Variants in NCK1 observed in about 807,000 individuals in gnomAD.
NCK1 encodes SH2/SH3 adapter protein NCK1.
Under a neutral mutation model 36.6 loss-of-function variants are expected in NCK1, and 19 were observed. That is an observed-to-expected ratio of 0.52 (90% CI 0.36 to 0.76). The LOEUF (loss-of-function observed/expected upper bound fraction) is 0.76, where lower values mean the gene tolerates loss of function less well. NCK1 is among the 30% of genes least tolerant of loss of function. NCK1 has a pLI of 0.00. For missense variants in NCK1, 358 were observed against 445.6 expected (o/e 0.80, Z 1.77); for synonymous variants, 165 against 156.0 (o/e 1.06, Z -0.43).
chr3:136,917,053 A>G (rs1307663997), intron 1 of NCK1, among the ~76,000 whole-genome samples: 2 of 152,234 alleles, frequency 1.3e-5, no homozygotes, highest in African/African-American at 2.4e-5. Flanking sequence ...TAATTTATCA[A>G]ATGTATTCAT....
At chr3:136,885,429 T>TA in intron 1 of NCK1, among the ~76,000 whole-genome samples, 1 of 152,286 alleles carries the variant, frequency 6.6e-6, no homozygotes, top group South Asian at 2.1e-4. Context: ...TTCAGCTCCT[T>TA]ACGTAGCTGG....
At chr3:136,909,512 G>A (rs1560043574) in intron 1 of NCK1, among the ~76,000 whole-genome samples, 1 of 152,206 alleles carries the variant, frequency 6.6e-6, no homozygotes, top group Non-Finnish European at 1.5e-5. Context: ...AATTTCAATG[G>A]CAGAATGTCG....
rs1940061080 is a variant in NCK1, at chr3:136,919,869, T to A, written c.-18-8115T>A. Among the ~76,000 whole-genome samples, 6 of 152,274 alleles carry A rather than the reference T, an allele frequency of 3.9e-5. No individual in the cohort carries two copies. The South Asian group carries it at 1.2e-3, about 32-fold the overall frequency. Reference sequence around the variant, plus strand: ...TAAAATTCTAAAGGGAAATCTCTTGTTCAGTTTTAGATTCTGTTGTACTTT... The same window carrying A: ...TAAAATTCTAAAGGGAAATCTCTTGATCAGTTTTAGATTCTGTTGTACTTT... On this transcript the variant is annotated intron_variant, in intron 1 of 3. Coordinates refer to ENST00000481752, the MANE Select transcript of NCK1 (RefSeq NM_001291999.2).
chr3:136,910,665 CATA>C (rs1229201484), intron 1 of NCK1, among the ~76,000 whole-genome samples: 1 of 152,114 alleles, frequency 6.6e-6, no homozygotes, highest in Admixed American at 6.5e-5. Flanking sequence ...ATTGACAAAT[CATA>C]ATTTTATACT....
chr3:136,873,759 T>C (rs1430209075), intron 1 of NCK1, among the ~76,000 whole-genome samples: 1 of 152,146 alleles, frequency 6.6e-6, no homozygotes, highest in Non-Finnish European at 1.5e-5. Context: ...AATAAGTCTT[T>C]TGAGAACTGA....
At position 136,895,321 on chromosome 3, in the gene NCK1, T is replaced by TTA. The variant is rs557847316; in HGVS notation, c.-18-32651_-18-32650dup. Among the ~76,000 whole-genome samples the TTA allele has an allele frequency of 3.2e-3, 492 of 151,696 alleles. 1 individual carries two copies. The highest frequency in any genetic ancestry group is 6.4e-3 in the African/African-American group (267 of 41,442). Reference sequence around the variant, plus strand: ...TTTGGTATGTTTTTGGTTTATTTTATTATATATATATATCATGTTTCCGTA... The same window carrying TTA: ...TTTGGTATGTTTTTGGTTTATTTTATTATATATATATATATCATGTTTCCGTA... On this transcript the variant is annotated intron_variant, in intron 1 of 3. Transcript: ENST00000481752.
At chr3:136,867,984 C>T (rs920160077) in intron 1 of NCK1, among the ~76,000 whole-genome samples, 1 of 151,780 alleles carries the variant, frequency 6.6e-6, no homozygotes, top group Non-Finnish European at 1.5e-5. Flanking sequence ...GCAGCATGAT[C>T]TCGGCTCACT....
intron 1 of NCK1, among the ~76,000 whole-genome samples, chr3:136,918,774 T>C (rs539048890): frequency 2.0e-5 from 3 of 152,292 alleles, no homozygotes; most frequent in African/African-American, 7.2e-5. Context: ...AGCCAAAAGA[T>C]TGGACACTCC....
intron 1 of NCK1, among the ~76,000 whole-genome samples, chr3:136,888,405 G>C (rs1468130486): frequency 4.6e-5 from 7 of 151,848 alleles, no homozygotes; most frequent in Non-Finnish European, 8.8e-5. Context: ...CACAATATCA[G>C]AATTTTTTTT....
At chr3:136,871,892 C>T (rs1254293707) in intron 1 of NCK1, among the ~76,000 whole-genome samples, 4 of 152,208 alleles carry the variant, frequency 2.6e-5, no homozygotes, top group Non-Finnish European at 5.9e-5. Flanking sequence ...TGTGAGAAGA[C>T]ATGCCTTTAA....
intron 1 of NCK1, among the ~76,000 whole-genome samples, chr3:136,883,267 C>G (rs1358806084): frequency 6.6e-6 from 1 of 152,200 alleles, no homozygotes; most frequent in East Asian, 1.9e-4. Context: ...TCTCTCCCAA[C>G]CTCACATTGT....
intron 1 of NCK1, among the ~76,000 whole-genome samples, chr3:136,870,257 A>G (rs1938573897): frequency 6.6e-6 from 1 of 151,446 alleles, no homozygotes; most frequent in African/African-American, 2.4e-5. Flanking sequence ...CAGGAGAATC[A>G]TTTGAACCCA....
Position 136,910,388 on chromosome 3 carries a change from A to G in NCK1, c.-18-17596A>G, listed in dbSNP as rs527760551. On this transcript the variant is annotated intron_variant, in intron 1 of 3. Transcript: ENST00000481752. ...TGCATTTGTCTCTTATGTAGAAAAT[A>G]AAATGTGTAGTAACAAACTAAAGTT... Among the ~76,000 whole-genome samples the G allele has an allele frequency of 2.6e-5, 4 of 152,348 alleles. 1 individual carries two copies. The South Asian group carries it at 8.3e-4, about 32-fold the overall frequency.
At chr3:136,938,281 G>T (rs1940585370) in intron 2 of NCK1, among the ~76,000 whole-genome samples, 1 of 152,072 alleles carries the variant, frequency 6.6e-6, no homozygotes, top group African/African-American at 2.4e-5. Flanking sequence ...ATGCTTGCTG[G>T]ATTTGGTTTT....
intron 1 of NCK1, among the ~76,000 whole-genome samples, chr3:136,866,392 C>CT (rs1938412570): frequency 6.6e-6 from 1 of 151,728 alleles, no homozygotes; most frequent in Non-Finnish European, 1.5e-5. Flanking sequence ...CCCGTAACCT[C>CT]TGCCTCCCGG....
intron 1 of NCK1, among the ~76,000 whole-genome samples, chr3:136,871,698 T>C (rs1199896978): frequency 6.6e-6 from 1 of 152,170 alleles, no homozygotes; most frequent in Non-Finnish European, 1.5e-5. Flanking sequence ...CACTCAAATC[T>C]CATCTTGAAT....
intron 1 of NCK1, among the ~76,000 whole-genome samples, chr3:136,926,368 G>A (rs1047833935): frequency 2.3e-4 from 35 of 151,794 alleles, no homozygotes; most frequent in Admixed American, 5.9e-4. Flanking sequence ...CCCGCCTCCC[G>A]GGTTCAAGCC....
Position 136,899,827 on chromosome 3 carries a change from C to T in NCK1, c.-18-28157C>T, listed in dbSNP as rs1163627726. On this transcript the variant is annotated intron_variant, in intron 1 of 3. Coordinates refer to ENST00000481752, the MANE Select transcript of NCK1 (RefSeq NM_001291999.2). ...TCCTTCACTGATAAAGCTAGTGCAA[C>T]TTCTAAGTCTCTCTGGTAGAGCTTA... The T allele has an allele frequency of 3.4e-6, 5 of 1,481,258 alleles. No homozygotes were observed. The South Asian group carries it at 3.4e-5, about 10-fold the overall frequency. The allele number at this position is 1,481,258 out of a possible 1,614,324, so 91.8% of individuals were successfully genotyped here.
chr3:136,876,950 A>G (rs372652313), intron 1 of NCK1, among the ~76,000 whole-genome samples: 2 of 152,276 alleles, frequency 1.3e-5, no homozygotes, highest in East Asian at 3.9e-4. Context: ...AGACATTCCA[A>G]TTTACACCTT....
Sources: allele counts gnomAD v4.1 joint callset (sites outside exome capture counted in the v4.1 genomes callset), GRCh38; gene constraint gnomAD v4.1.1; transcripts MANE v1.5; gene names NCBI Gene and HGNC (gene_info 2026-07-23, HGNC 2026-07-21).